The following CHRM5 variants were observed in gnomAD, a reference collection of about 807,000 sequenced individuals.
The protein encoded by CHRM5 is muscarinic acetylcholine receptor M5.
CHRM5 carries 18 observed loss-of-function variants against 39.0 expected under a neutral mutation model. The observed-to-expected ratio is 0.46, with a 90% CI of 0.32 to 0.68. The LOEUF (loss-of-function observed/expected upper bound fraction) is 0.68, where lower values mean the gene tolerates loss of function less well. Among genes scored for constraint, CHRM5 ranks in the 30% least tolerant of loss-of-function variants. The pLI is 0.04. For missense variants in CHRM5, 515 were observed against 651.1 expected, an observed-to-expected ratio of 0.79 and a Z score of 2.28; for synonymous variants, 241 against 246.3, an observed-to-expected ratio of 0.98 and a Z score of 0.20.
intron 1 of CHRM5, among the ~76,000 whole-genome samples, chr15:33,983,833 T>C (rs1896301693): frequency 6.6e-6 from 1 of 151,782 alleles, no homozygotes; most frequent in Admixed American, 6.6e-5. Flanking sequence ...CAGCAGTAAG[T>C]CCTATAAATA....
intron 1 of CHRM5, among the ~76,000 whole-genome samples, chr15:33,982,982 GACTGCACCTCTTA>G (rs11276059): frequency 0.26 from 39,748 of 151,426 alleles, 7,217 homozygotes; most frequent in African/African-American, 0.5. Context: ...ATTTTTGAAA[GACTGCACCTCTTA>G]ACTGCATGGA....
intron 2 of CHRM5, among the ~76,000 whole-genome samples, chr15:34,050,755 G>A (rs1049682477): frequency 1.3e-5 from 2 of 152,078 alleles, no homozygotes; most frequent in East Asian, 1.9e-4. Context: ...AGAGAAAGAA[G>A]GGCATTACAT....
chr15:33,988,694 A>C (rs1896587532), intron 1 of CHRM5, among the ~76,000 whole-genome samples: 1 of 152,224 alleles, frequency 6.6e-6, no homozygotes, highest in African/African-American at 2.4e-5. Context: ...CTTAACACAC[A>C]AGTAAAACAC....
At chr15:34,052,149 A>G (rs1190289689) in intron 2 of CHRM5, among the ~76,000 whole-genome samples, 2 of 152,206 alleles carry the variant, frequency 1.3e-5, no homozygotes, top group Admixed American at 6.5e-5. Flanking sequence ...TTTATCCACC[A>G]CAATCAAGTT....
At chr15:33,998,015 T>C (rs1296963270) in intron 1 of CHRM5, among the ~76,000 whole-genome samples, 1 of 152,144 alleles carries the variant, frequency 6.6e-6, no homozygotes, top group Non-Finnish European at 1.5e-5. Context: ...TACCTTCTGC[T>C]CTCTCCTTCC....
At chr15:33,996,457 G>T (rs935525975) in intron 1 of CHRM5, among the ~76,000 whole-genome samples, 2 of 152,168 alleles carry the variant, frequency 1.3e-5, no homozygotes, top group Non-Finnish European at 2.9e-5. Flanking sequence ...ATACAGGCGG[G>T]TGCCCCTCTG....
At chr15:34,001,673 A>G (rs1176514166) in intron 1 of CHRM5, among the ~76,000 whole-genome samples, 3 of 148,824 alleles carry the variant, frequency 2.0e-5, no homozygotes, top group Admixed American at 6.8e-5. Flanking sequence ...GCAATCCACA[A>G]ACCTAAAGAA....
intron 1 of CHRM5, chr15:34,006,980 A>T (rs1193959166): frequency 1.4e-6 from 1 of 722,806 alleles, no homozygotes; most frequent in Non-Finnish European, 1.7e-6. Context: ...ATAAAGATAA[A>T]GGCATCATTT....
intron 1 of CHRM5, among the ~76,000 whole-genome samples, chr15:34,040,459 G>C (rs1899422148): frequency 6.6e-6 from 1 of 152,206 alleles, no homozygotes; most frequent in Admixed American, 6.5e-5. Context: ...GTCAACTCCA[G>C]AGAAACAGTC....
In CHRM5 at chr15:34,064,525, C is replaced by G; in HGVS notation, c.*209C>G. Reference sequence around the variant, plus strand: ...ATATTAAATGACTCTTGCCTATGACCAAGGCCATTTGATGCCAGGGGAGTT... The same window carrying G: ...ATATTAAATGACTCTTGCCTATGACGAAGGCCATTTGATGCCAGGGGAGTT... On this transcript the variant is annotated 3_prime_UTR_variant, in exon 3 of 3. Transcript: ENST00000383263. The G allele has an allele frequency of 1.6e-6, 1 of 626,762 alleles. No individual in the cohort carries two copies. The highest frequency in any genetic ancestry group is 2.2e-5 in the South Asian group (1 of 46,264). 38.8% of individuals were successfully genotyped at this position (626,762 alleles called of 1,614,324 possible). A position where few individuals can be genotyped will look rare whatever the true frequency, so the allele number is the denominator to read the frequency against.
chr15:34,000,179 G>C (rs532720), intron 1 of CHRM5, among the ~76,000 whole-genome samples: 108,639 of 152,008 alleles, frequency 0.71, 39,057 homozygotes, highest in East Asian at 0.85. Flanking sequence ...TCTAAAACTG[G>C]TTAACAGCCC....
intron 2 of CHRM5, among the ~76,000 whole-genome samples, chr15:34,048,013 C>T (rs939954129): frequency 1.1e-4 from 16 of 141,846 alleles, no homozygotes; most frequent in African/African-American, 3.2e-4. Flanking sequence ...CACATCACCA[C>T]GTCCAGCTCG....
At chr15:33,970,752 TAAC>T in intron 1 of CHRM5, among the ~76,000 whole-genome samples, 1 of 152,042 alleles carries the variant, frequency 6.6e-6, no homozygotes, top group East Asian at 1.9e-4. Context: ...AGGGGGCAGA[TAAC>T]AATATTCCTT....
chr15:33,972,363 T>C (rs1284221788), intron 1 of CHRM5: 3 of 151,954 alleles, frequency 2.0e-5, no homozygotes, highest in Non-Finnish European at 4.4e-5. Context: ...AAAGACGGTG[T>C]CTCTGAATGA....
chr15:33,978,752 G>A (rs941166582), intron 1 of CHRM5, among the ~76,000 whole-genome samples: 2 of 152,056 alleles, frequency 1.3e-5, no homozygotes, highest in Non-Finnish European at 2.9e-5. Flanking sequence ...ACAGAATTCG[G>A]CCTTACTTTT....
chr15:34,028,824 CA>C (rs987803996), intron 1 of CHRM5, among the ~76,000 whole-genome samples: 8 of 151,472 alleles, frequency 5.3e-5, no homozygotes, highest in African/African-American at 1.9e-4. Flanking sequence ...TGTTAGACTG[CA>C]AAACACACCA....
At chr15:34,062,434 G>A (rs34571863) in intron 2 of CHRM5, among the ~76,000 whole-genome samples, 41,857 of 151,138 alleles carry the variant, frequency 0.28, 7,709 homozygotes, top group African/African-American at 0.5. Flanking sequence ...GGGAGCCTGT[G>A]ATCCCAGCTA....
At chr15:33,982,986 GC>G (rs1294482609) in intron 1 of CHRM5, among the ~76,000 whole-genome samples, 1 of 86,276 alleles carries the variant, frequency 1.2e-5, no homozygotes, top group Admixed American at 1.0e-4. Context: ...TTGAAAGACT[GC>G]ACCTCTTAAC....
At chr15:34,049,519 A>T (rs1442524229) in intron 2 of CHRM5, among the ~76,000 whole-genome samples, 3 of 152,224 alleles carry the variant, frequency 2.0e-5, no homozygotes, top group Admixed American at 6.5e-5. Context: ...AAAGAATGAA[A>T]AGGATCATGG....
Sources: gnomAD v4.1 joint callset for allele counts (sites outside exome capture counted in the v4.1 genomes callset) on GRCh38, gnomAD v4.1.1 for gene constraint, MANE v1.5 for transcripts, NCBI Gene and HGNC (gene_info 2026-07-23, HGNC 2026-07-21) for gene names.